The following ZNF415 variants were observed in gnomAD, a reference collection of about 807,000 sequenced individuals.
The protein encoded by ZNF415 is zinc finger protein 415.
Under a neutral mutation model 7.3 loss-of-function variants are expected in ZNF415, and 5 were observed. That is an observed-to-expected ratio of 0.69 (90% CI 0.36 to 1.44). ZNF415 has a LOEUF of 1.44. Ranked by LOEUF, ZNF415 falls within the 40% of genes most tolerant of loss-of-function variation. The pLI, the probability that ZNF415 is intolerant of heterozygous loss-of-function variation, is 0.04. For synonymous variants in ZNF415, 207 were observed against 226.3 expected (o/e 0.91, Z 0.77); for missense variants, 628 against 664.8 (o/e 0.94, Z 0.61).
At position 53,108,358 on chromosome 19, in the gene ZNF415, G is replaced by T; in HGVS notation, c.*19C>A. 1.3e-6 allele frequency: 2 copies of T among 1,572,678 alleles called. No homozygotes were observed. The highest frequency in any genetic ancestry group is 1.7e-6 in the Non-Finnish European group (2 of 1,161,744). On this transcript the variant is annotated 3_prime_UTR_variant, in exon 4 of 4. Coordinates refer to ENST00000243643, the MANE Select transcript of ZNF415 (RefSeq NM_018355.4). ...TGATGACTCACAGGATTTAAACTTT[G>T]ACTGAAGACCTTGCCATATTAATTT...
chr19:53,118,435 A>G (rs777346290), intron 2 of ZNF415, among the ~76,000 whole-genome samples: 1 of 150,088 alleles, frequency 6.7e-6, no homozygotes, highest in Non-Finnish European at 1.5e-5. Context: ...ACTGCACTTT[A>G]GACTAAACAG....
At chr19:53,110,012 A>T in intron 3 of ZNF415, 104 bp from the exon 4 acceptor site, 1 of 908,920 alleles carries the variant, frequency 1.1e-6, no homozygotes, top group Non-Finnish European at 1.6e-6. Flanking sequence ...TATATACAAC[A>T]GAGTTATAAA....
Position 53,108,952 on chromosome 19 carries a change from A to G in ZNF415, c.1093T>C (p.Phe365Leu). Residue 365 changes from phenylalanine to leucine, a missense_variant, in exon 4 of 4, where the codon TTC becomes CTC. Phe to Leu is a conservative substitution (Grantham distance 22). Transcript: ENST00000243643. ...GTTGCAAGGCTTGAAGTCTGACTGA[A>G]CACCTTGCCACATTCATTGCATTTG... is the stretch of plus-strand genomic sequence containing the variant. ...PYKCNECGKV[F>L]SQTSSLATHQ... 6.2e-7 allele frequency: 1 copy of G among 1,614,126 alleles called. No homozygotes were observed. Among genetic ancestry groups the G allele is most frequent in the African/African-American group, 1.3e-5 (1 of 75,040 alleles).
rs75676586 is a variant in ZNF415, at chr19:53,132,882, G to A, written c.-94C>T. On this transcript the variant is annotated 5_prime_UTR_variant, in exon 1 of 4. Transcript: ENST00000243643. ...CTCGACGCCGTCACCTTCACCCAACGCGATCCGTTTCCGGGCCTGTAGGAA... is the reference window on the plus strand; with the variant it reads ...CTCGACGCCGTCACCTTCACCCAACACGATCCGTTTCCGGGCCTGTAGGAA... 1,307 of 152,352 alleles carry A rather than the reference G, an allele frequency of 8.6e-3. 11 individuals carry two copies. Among genetic ancestry groups the A allele is most frequent in the Non-Finnish European group, 0.013 (865 of 68,080 alleles). The allele number at this position is 152,352 out of a possible 1,614,324, so 9.4% of individuals were successfully genotyped here.
intron 2 of ZNF415, among the ~76,000 whole-genome samples, chr19:53,120,625 T>C (rs574058251): frequency 1.4e-4 from 21 of 152,262 alleles, no homozygotes; most frequent in Admixed American, 7.2e-4. Flanking sequence ...AGCATAATAC[T>C]TAATAACAAT....
intron 2 of ZNF415, among the ~76,000 whole-genome samples, chr19:53,117,610 C>T (rs1416293559): frequency 6.6e-6 from 1 of 151,948 alleles, no homozygotes; most frequent in African/African-American, 2.4e-5. Flanking sequence ...AAAAACCCTG[C>T]CAGCCAAGGA....
chr19:53,119,668 C>CTA (rs1192796267), intron 2 of ZNF415, among the ~76,000 whole-genome samples: 1 of 151,534 alleles, frequency 6.6e-6, no homozygotes, highest in Non-Finnish European at 1.5e-5. Context: ...AAACTACTAG[C>CTA]TAGATTAATC....
intron 1 of ZNF415, among the ~76,000 whole-genome samples, chr19:53,127,887 AAAG>A (rs1378397812): frequency 2.6e-4 from 29 of 112,080 alleles, no homozygotes; most frequent in Admixed American, 5.2e-4. Flanking sequence ...AAAAAAAAAA[AAAG>A]AAAAAGAAAA....
chr19:53,117,911 A>G (rs2087320708), intron 2 of ZNF415, among the ~76,000 whole-genome samples: 1 of 152,178 alleles, frequency 6.6e-6, no homozygotes, highest in Non-Finnish European at 1.5e-5. Flanking sequence ...CAAACATACA[A>G]AACAACCAGA....
intron 3 of ZNF415, among the ~76,000 whole-genome samples, chr19:53,113,576 A>G (rs11879862): frequency 0.13 from 20,148 of 150,300 alleles, 2,081 homozygotes; most frequent in African/African-American, 0.28. Flanking sequence ...AGAACAAACG[A>G]AAAAAAACCA....
intron 2 of ZNF415, among the ~76,000 whole-genome samples, chr19:53,121,028 A>G (rs958796357): frequency 4.7e-4 from 66 of 139,836 alleles, no homozygotes; most frequent in African/African-American, 1.7e-3. Flanking sequence ...AGGTTGCAGT[A>G]AGCTGAGATC....
intron 1 of ZNF415, chr19:53,124,392 A>ATGAGAG (rs2088667861): frequency 1.4e-5 from 2 of 141,634 alleles, no homozygotes; most frequent in African/African-American, 2.7e-5. Context: ...GAGAGAGGAG[A>ATGAGAG]CGAGAGAGAG....
chr19:53,111,165 G>A (rs576441398), intron 3 of ZNF415, among the ~76,000 whole-genome samples: 1 of 151,956 alleles, frequency 6.6e-6, no homozygotes, highest in Non-Finnish European at 1.5e-5. Context: ...TAGGATTAAT[G>A]CCCTTACAGG....
At chr19:53,129,177 G>A (rs968332602) in intron 1 of ZNF415, among the ~76,000 whole-genome samples, 2 of 152,158 alleles carry the variant, frequency 1.3e-5, no homozygotes, top group South Asian at 2.1e-4. Flanking sequence ...TTGACATTTG[G>A]GAAAAGAGAA....
chr19:53,125,714 C>G (rs2088956295), intron 1 of ZNF415, among the ~76,000 whole-genome samples: 1 of 151,934 alleles, frequency 6.6e-6, no homozygotes, highest in South Asian at 2.1e-4. Context: ...GGAGCCCAAG[C>G]AGATCACGAG....
At chr19:53,118,816 T>C (rs1326246014) in intron 2 of ZNF415, among the ~76,000 whole-genome samples, 1 of 151,826 alleles carries the variant, frequency 6.6e-6, no homozygotes, top group Non-Finnish European at 1.5e-5. Context: ...AGAGGGAAGT[T>C]TATAGTAATA....
At position 53,108,585 on chromosome 19, in the gene ZNF415, T is replaced by C; in HGVS notation, c.1460A>G (p.Gln487Arg). 1 of 1,614,114 alleles carries C rather than the reference T, an allele frequency of 6.2e-7. No homozygotes were observed. The highest frequency in any genetic ancestry group is 1.3e-5 in the African/African-American group (1 of 75,042). The change falls in exon 4 of 4, where the codon CAG becomes CGG. Residue 487 changes from glutamine (Q) to arginine (R), a missense_variant. Physicochemically the swap from Gln to Arg is conservative, Grantham distance 43. Coordinates refer to ENST00000243643, the MANE Select transcript of ZNF415 (RefSeq NM_018355.4). The part of the protein sequence containing the change: ...FSVHSSLTTH[Q>R]VIHTGEKPYK... ...AGGTTTTTCTCCAGTATGGATGACC[T>C]GATGGGTAGTTAGGCTTGAATGCAC...
intron 1 of ZNF415, among the ~76,000 whole-genome samples, chr19:53,125,433 G>A (rs1198815006): frequency 1.3e-5 from 2 of 151,272 alleles, no homozygotes; most frequent in Non-Finnish European, 2.9e-5. Context: ...TTCCTGTGCT[G>A]AAGCAATCCT....
intron 3 of ZNF415, among the ~76,000 whole-genome samples, chr19:53,110,588 CAATT>C (rs1052152710): frequency 6.6e-6 from 1 of 151,950 alleles, no homozygotes; most frequent in African/African-American, 2.4e-5. Context: ...TAAACCATAA[CAATT>C]AATTAATAAA....
Sources: gnomAD v4.1 joint callset for allele counts (sites outside exome capture counted in the v4.1 genomes callset) on GRCh38, gnomAD v4.1.1 for gene constraint, MANE v1.5 for transcripts, NCBI Gene and HGNC (gene_info 2026-07-23, HGNC 2026-07-21) for gene names.